The following SLC35A3 variants were observed in gnomAD, a reference collection of about 807,000 sequenced individuals.
The protein encoded by SLC35A3 is UDP-N-acetylglucosamine transporter.
In SLC35A3, 26 loss-of-function variants were observed where a neutral mutation model predicts 39.0. That is an observed-to-expected ratio of 0.67 (90% CI 0.49 to 0.92). SLC35A3 has a LOEUF of 0.92. SLC35A3 is among the 40% of genes least tolerant of loss of function. The probability of loss-of-function intolerance (pLI) is 0.00; values close to 1 mark genes in which losing one functional copy is unlikely to be tolerated. For synonymous variants in SLC35A3, 135 were observed against 133.1 expected (o/e 1.01, Z -0.10); for missense variants, 299 against 371.6 (o/e 0.80, Z 1.61).
chr1:99,987,554 T>G (rs1004869567), intron 1 of SLC35A3, among the ~76,000 whole-genome samples: 17 of 152,216 alleles, frequency 1.1e-4, no homozygotes, highest in Non-Finnish European at 2.4e-4. Context: ...TAGGAATTGC[T>G]GAATTTAGTA....
At chr1:99,982,737 T>C (rs888673538) in intron 1 of SLC35A3, among the ~76,000 whole-genome samples, 1 of 152,204 alleles carries the variant, frequency 6.6e-6, no homozygotes, top group African/African-American at 2.4e-5. Context: ...CAAGCCATCA[T>C]CCAAACTCAT....
At chr1:99,983,395 C>T (rs1386103466) in intron 1 of SLC35A3, among the ~76,000 whole-genome samples, 2 of 151,464 alleles carry the variant, frequency 1.3e-5, no homozygotes, top group Admixed American at 6.6e-5. Context: ...AAAAATTAGC[C>T]GGGCGTGGTG....
intron 2 of SLC35A3, among the ~76,000 whole-genome samples, chr1:99,998,704 G>A (rs1401550129): frequency 2.6e-5 from 4 of 152,304 alleles, no homozygotes; most frequent in Admixed American, 1.3e-4. Context: ...GAGCGCCTGG[G>A]TCCCTGAGTC....
chr1:99,993,791 CAT>C, intron 2 of SLC35A3, 50 bp downstream of exon 2: 1 of 1,497,952 alleles, frequency 6.7e-7, no homozygotes, highest in Non-Finnish European at 9.3e-7. Context: ...ATTTAGTTTG[CAT>C]ATATATATTG....
chr1:99,997,463 TTAGAA>T (rs1658489822), intron 2 of SLC35A3, among the ~76,000 whole-genome samples: 1 of 115,184 alleles, frequency 8.7e-6, no homozygotes, highest in East Asian at 2.6e-4. Flanking sequence ...TATATGGATC[TTAGAA>T]TAGTGTTTAG....
rs375049912 is a variant in SLC35A3, at chr1:99,986,880, G to C, written c.-18-6657G>C. Reference sequence around the variant, plus strand: ...TGGGTTTACAAGCCTGAGCCACCACGCCTGGCCTAAATTTTCACTTGAAAA... The same window carrying C: ...TGGGTTTACAAGCCTGAGCCACCACCCCTGGCCTAAATTTTCACTTGAAAA... On this transcript the variant is annotated intron_variant, in intron 1 of 7. Transcript: ENST00000533028. Among the ~76,000 whole-genome samples the C allele has an allele frequency of 4.6e-5, 7 of 152,276 alleles. No individual in the cohort carries two copies. The East Asian group carries it at 1.2e-3, about 25-fold the overall frequency.
rs1661073356 is a variant in SLC35A3 at position 100,028,929 on chromosome 1, G to C, written c.*6453G>C. The C allele has an allele frequency of 6.6e-6, 1 of 152,226 alleles. No homozygotes were observed. The highest frequency in any genetic ancestry group is 1.5e-5 in the Non-Finnish European group (1 of 68,066). The allele number at this position is 152,226 out of a possible 1,614,324, so 9.4% of individuals were successfully genotyped here. On this transcript the variant is annotated 3_prime_UTR_variant, in exon 8 of 8. Transcript: ENST00000533028. ...GCCAAAGGAAGTGACACATAAAACAGAGTCTAGGAGTGGTCCAAACTTGAG... is the reference window on the plus strand; with the variant it reads ...GCCAAAGGAAGTGACACATAAAACACAGTCTAGGAGTGGTCCAAACTTGAG...
intron 3 of SLC35A3, among the ~76,000 whole-genome samples, chr1:100,004,114 A>T (rs1220173843): frequency 6.6e-6 from 1 of 152,136 alleles, no homozygotes; most frequent in Non-Finnish European, 1.5e-5. Flanking sequence ...ATTTACATTC[A>T]CAGTTATTAT....
Position 100,035,504 on chromosome 1 carries a change from T to C in SLC35A3, c.*13028T>C, listed in dbSNP as rs972797546. ...TCTCTTACTACATTATTTCCAACAG[T>C]ATTTACTGCAATCTGCAATTACCTT... On this transcript the variant is annotated 3_prime_UTR_variant, in exon 8 of 8. Transcript: ENST00000533028. 2.0e-5 allele frequency: 3 copies of C among 152,226 alleles called. No individual in the cohort carries two copies. The highest frequency in any genetic ancestry group is 7.2e-5 in the African/African-American group (3 of 41,458). The allele number at this position is 152,226 out of a possible 1,614,324, so 9.4% of individuals were successfully genotyped here.
chr1:99,977,575 G>A lies in SLC35A3; in HGVS notation c.-19+7413G>A, dbSNP rs1279637328. 4.1e-5 allele frequency among the ~76,000 whole-genome samples: 5 copies of A among 121,418 alleles called. No homozygotes were observed. In the Admixed American group the frequency reaches 4.7e-4, roughly 11 times the overall value. 79.7% of individuals were successfully genotyped at this position (121,418 alleles called of 152,430 possible). A position where few individuals can be genotyped will look rare whatever the true frequency, so the allele number is the denominator to read the frequency against. On this transcript the variant is annotated intron_variant, in intron 1 of 7. Transcript: ENST00000533028. ...AGGAGGAAGGGAGGAAGGGAGGGAGGAAGGGAGGGAGGGAGGGCGGGCAGT... is the reference window on the plus strand; with the variant it reads ...AGGAGGAAGGGAGGAAGGGAGGGAGAAAGGGAGGGAGGGAGGGCGGGCAGT...
rs2100994299 is a variant in SLC35A3, at chr1:99,970,014, C to G, written c.-167C>G. The stretch of plus-strand genomic sequence containing the variant: ...GGAACCCGGAAACGCCTGGGCTGCA[C>G]CGAGCTGGCGGTGGCTACGGCGACG... On this transcript the variant is annotated 5_prime_UTR_variant, in exon 1 of 8. Transcript: ENST00000533028. The G allele has an allele frequency of 6.5e-6, 1 of 153,380 alleles. No individual in the cohort carries two copies. Among genetic ancestry groups the G allele is most frequent in the Admixed American group, 6.5e-5 (1 of 15,322 alleles). 9.5% of individuals were successfully genotyped at this position (153,380 alleles called of 1,614,324 possible). A position where few individuals can be genotyped will look rare whatever the true frequency, so the allele number is the denominator to read the frequency against.
chr1:99,975,323 T>C (rs1449985527), intron 1 of SLC35A3, among the ~76,000 whole-genome samples: 4 of 152,208 alleles, frequency 2.6e-5, no homozygotes, highest in Non-Finnish European at 5.9e-5. Context: ...TTATTTATTA[T>C]TTTATAAATT....
intron 1 of SLC35A3, among the ~76,000 whole-genome samples, chr1:99,975,837 A>T (rs1006512353): frequency 6.6e-6 from 1 of 152,148 alleles, no homozygotes; most frequent in African/African-American, 2.4e-5. Context: ...AGGTGAGAGG[A>T]TCACTTGAGG....
intron 3 of SLC35A3, among the ~76,000 whole-genome samples, chr1:100,004,477 T>C (rs1238363464): frequency 6.6e-6 from 1 of 151,992 alleles, no homozygotes; most frequent in East Asian, 1.9e-4. Flanking sequence ...AACTTTCATA[T>C]TTTTTTAGAG....
rs1661173323 is a variant in SLC35A3 at position 100,030,755 on chromosome 1, T to G, written c.*8279T>G. The stretch of plus-strand genomic sequence containing the variant: ...TGAGGGTTTATTAAGTTTTTCCCTT[T>G]AGGCTAAAGTTTTATTTTATTCTGC... On this transcript the variant is annotated 3_prime_UTR_variant, in exon 8 of 8. Transcript: ENST00000533028. The G allele has an allele frequency of 6.6e-6, 1 of 152,210 alleles. No homozygotes were observed. The highest frequency in any genetic ancestry group is 1.5e-5 in the Non-Finnish European group (1 of 68,036). 9.4% of individuals were successfully genotyped at this position (152,210 alleles called of 1,614,324 possible).
Position 100,024,622 on chromosome 1 carries a change from CTTT to C in SLC35A3, c.*2159_*2161del, listed in dbSNP as rs1333681581. 654 of 253,328 alleles carry C rather than the reference CTTT, an allele frequency of 2.6e-3. No individual in the cohort carries two copies. The highest frequency in any genetic ancestry group is 6.8e-3 in the Middle Eastern group (6 of 878). The allele number at this position is 253,328 out of a possible 1,614,324, so 15.7% of individuals were successfully genotyped here. On this transcript the variant is annotated 3_prime_UTR_variant, in exon 8 of 8. Transcript: ENST00000533028. ...TATGAATGAAAAAAATAAAATACTT[CTTT>C]TTTTTTTTTTTTGAGACAGAGTCTC...
Position 100,007,046 on chromosome 1 carries a change from T to C in SLC35A3, c.355T>C (p.Leu119=), listed in dbSNP as rs1297581482. Reference sequence around the variant, plus strand: ...TTTTCTTTTTCAGGTCACGTATCAGTTAAAAATTCTTACAACAGCATTATT... The same window carrying C: ...TTTTCTTTTTCAGGTCACGTATCAGCTAAAAATTCTTACAACAGCATTATT... The part of the protein sequence containing the change: ...DAATYQVTYQ[L]KILTTALFSV... Residue 119 remains leucine, a synonymous_variant, in exon 4 of 8, where the codon TTA becomes CTA. Transcript: ENST00000533028. The C allele has an allele frequency of 6.2e-7, 1 of 1,607,322 alleles. No homozygotes were observed. The highest frequency in any genetic ancestry group is 1.7e-5 in the Admixed American group (1 of 58,390).
rs1199134277 is a variant in SLC35A3, at chr1:99,970,151, G to C, written c.-30G>C. On this transcript the variant is annotated 5_prime_UTR_variant, in exon 1 of 8. Coordinates refer to ENST00000533028, the MANE Select transcript of SLC35A3 (RefSeq NM_012243.3). ...CCCGGTGGTGGGCTCAGCCGGTCGA[G>C]CTGCGCGGGAGGTGAGTCCTCAGCG... 1.2e-5 allele frequency: 2 copies of C among 160,514 alleles called. No individual in the cohort carries two copies. The highest frequency in any genetic ancestry group is 2.7e-5 in the Non-Finnish European group (2 of 73,596). The allele number at this position is 160,514 out of a possible 1,614,324, so 9.9% of individuals were successfully genotyped here. A position where few individuals can be genotyped will look rare whatever the true frequency, so the allele number is the denominator to read the frequency against.
chr1:100,017,097 A>G (rs1341013025), intron 6 of SLC35A3, among the ~76,000 whole-genome samples: 1 of 152,362 alleles, frequency 6.6e-6, no homozygotes, highest in South Asian at 2.1e-4. Flanking sequence ...AAAACTGTGT[A>G]GTATAGTAAA....
Sources: allele counts gnomAD v4.1 joint callset (sites outside exome capture counted in the v4.1 genomes callset), GRCh38; gene constraint gnomAD v4.1.1; transcripts MANE v1.5; gene names NCBI Gene and HGNC (gene_info 2026-07-23, HGNC 2026-07-21).